The following ST3GAL1 variants were observed in gnomAD, a reference collection of about 807,000 sequenced individuals.
The protein encoded by ST3GAL1 is ST3 beta-galactoside alpha-2,3-sialyltransferase 1.
ST3GAL1 carries 16 observed loss-of-function variants against 34.1 expected under a neutral mutation model. The ratio of observed to expected loss-of-function variants is 0.47; its 90% CI spans 0.32 to 0.71. ST3GAL1 has a LOEUF of 0.71. Among genes scored for constraint, ST3GAL1 ranks in the 30% least tolerant of loss-of-function variants. The probability of loss-of-function intolerance (pLI) is 0.04; values close to 1 mark genes in which losing one functional copy is unlikely to be tolerated. For synonymous variants in ST3GAL1, 191 were observed against 184.7 expected (o/e 1.03, Z -0.28); for missense variants, 353 against 447.4 (o/e 0.79, Z 1.90).
At chr8:133,495,216 C>A (rs922407671) in intron 3 of ST3GAL1, among the ~76,000 whole-genome samples, 8 of 152,018 alleles carry the variant, frequency 5.3e-5, no homozygotes, top group Non-Finnish European at 8.8e-5. Context: ...CCGTGCCCAG[C>A]CTCCTCTATT....
intron 1 of ST3GAL1, among the ~76,000 whole-genome samples, chr8:133,563,984 G>A (rs1217968203): frequency 2.0e-5 from 3 of 152,196 alleles, no homozygotes; most frequent in African/African-American, 4.8e-5. Context: ...AGAGTGTACT[G>A]TCTATTCTGC....
Position 133,540,934 on chromosome 8 carries a change from C to CATAT in ST3GAL1, c.-429+4836_-429+4839dup, listed in dbSNP as rs751280527. On this transcript the variant is annotated intron_variant, in intron 2 of 9. Coordinates refer to ENST00000522652, the MANE Select transcript of ST3GAL1 (RefSeq NM_173344.3). The stretch of plus-strand genomic sequence containing the variant: ...ATATATATAGACATATATATATAGA[C>CATAT]ATATATAGACATATATATAGACATA... Among the ~76,000 whole-genome samples, 52 of 51,312 alleles carry CATAT rather than the reference C, an allele frequency of 1.0e-3. 3 individuals carry two copies. Among genetic ancestry groups the CATAT allele is most frequent in the African/African-American group, 4.7e-3 (41 of 8,670 alleles). 33.7% of individuals were successfully genotyped at this position (51,312 alleles called of 152,430 possible).
intron 2 of ST3GAL1, chr8:133,516,413 C>T (rs1482229166): frequency 6.6e-6 from 1 of 152,188 alleles, no homozygotes; most frequent in East Asian, 1.9e-4. Context: ...TTATAAATTA[C>T]TCACCCTCAT....
At position 133,530,265 on chromosome 8, in the gene ST3GAL1, C is replaced by CT. The variant is rs370726563; in HGVS notation, c.-429+15508dup. Among the ~76,000 whole-genome samples, 667 of 140,808 alleles carry CT rather than the reference C, an allele frequency of 4.7e-3. 11 individuals carry two copies. The highest frequency in any genetic ancestry group is 0.017 in the African/African-American group (616 of 37,130). The allele number at this position is 140,808 out of a possible 152,430, so 92.4% of individuals were successfully genotyped here. A position where few individuals can be genotyped will look rare whatever the true frequency, so the allele number is the denominator to read the frequency against. On this transcript the variant is annotated intron_variant, in intron 2 of 9. Coordinates refer to ENST00000522652, the MANE Select transcript of ST3GAL1 (RefSeq NM_173344.3). ...CAAGGAGCCAGTGTCCTGAGGCCTT[C>CT]TTTTTTTTTTCTTTATTTTTATTTT...
At position 133,483,341 on chromosome 8, in the gene ST3GAL1, T is replaced by TAAAC. The variant is rs558985443; in HGVS notation, c.-373-6745_-373-6742dup. On this transcript the variant is annotated intron_variant, in intron 3 of 9. Coordinates refer to ENST00000522652, the MANE Select transcript of ST3GAL1 (RefSeq NM_173344.3). ...TGGCCGACAAAGTAAGACTCCATCT[T>TAAAC]AAACAAACAAACAAACAAAAATGCT... 9.9e-5 allele frequency among the ~76,000 whole-genome samples: 15 copies of TAAAC among 152,102 alleles called. No individual in the cohort carries two copies. In the East Asian group the frequency reaches 2.9e-3, roughly 29 times the overall value.
rs530805061 is a variant in ST3GAL1 at position 133,559,146 on chromosome 8, T to C, written c.-582+12547A>G. 3.8e-4 allele frequency among the ~76,000 whole-genome samples: 58 copies of C among 152,266 alleles called. 1 individual carries two copies. In the South Asian group the frequency reaches 0.012, roughly 30 times the overall value. ...GCCTTCATTTAGAAGTTTGGTGATATTTTTATGAACAGAAATACATCAGAG... is the reference window on the plus strand; with the variant it reads ...GCCTTCATTTAGAAGTTTGGTGATACTTTTATGAACAGAAATACATCAGAG... On this transcript the variant is annotated intron_variant, in intron 1 of 9. Transcript: ENST00000522652.
intron 1 of ST3GAL1, among the ~76,000 whole-genome samples, chr8:133,569,801 T>C (rs1316687679): frequency 6.6e-6 from 1 of 152,172 alleles, no homozygotes; most frequent in Non-Finnish European, 1.5e-5. Flanking sequence ...CAGTGCACCT[T>C]GCCTTTTCGA....
At chr8:133,468,273 T>C (rs1815821162) in intron 5 of ST3GAL1, among the ~76,000 whole-genome samples, 1 of 152,220 alleles carries the variant, frequency 6.6e-6, no homozygotes. Context: ...TGATGGGATA[T>C]TATTTAGCTA....
In ST3GAL1 at chr8:133,459,938, C is replaced by T; in HGVS notation, c.850-1G>A. 6.2e-7 allele frequency: 1 copy of T among 1,608,648 alleles called. No individual in the cohort carries two copies. The highest frequency in any genetic ancestry group is 8.5e-7 in the Non-Finnish European group (1 of 1,176,428). On this transcript the variant is annotated splice_acceptor_variant, in intron 9 of 9. Coordinates refer to ENST00000522652, the MANE Select transcript of ST3GAL1 (RefSeq NM_173344.3). LOFTEE classifies it high-confidence loss of function. This position sits in a 1 kb window ranked among gnomAD's most constrained non-coding sequence, Gnocchi z 4.7. Reference sequence around the variant, plus strand: ...CTGCCCCGAAGCCGTACAAGTCCACCTGTGGGAGCAAAGCAAAGATGAGAA... The same window carrying T: ...CTGCCCCGAAGCCGTACAAGTCCACTTGTGGGAGCAAAGCAAAGATGAGAA...
chr8:133,479,703 G>A (rs1307555462), intron 3 of ST3GAL1, among the ~76,000 whole-genome samples: 1 of 152,124 alleles, frequency 6.6e-6, no homozygotes, highest in Non-Finnish European at 1.5e-5. Flanking sequence ...CAGGGCAGAG[G>A]GCAAGGTTGT....
chr8:133,493,848 GAAA>G (rs57843566), intron 3 of ST3GAL1, among the ~76,000 whole-genome samples: 7 of 132,290 alleles, frequency 5.3e-5, no homozygotes. Flanking sequence ...TCTGTATCAG[GAAA>G]AAAAAAAAAA....
In ST3GAL1 at chr8:133,556,069, G is replaced by A. The variant is rs1374470278; in HGVS notation, c.-581-10143C>T. On this transcript the variant is annotated intron_variant, in intron 1 of 9. Coordinates refer to ENST00000522652, the MANE Select transcript of ST3GAL1 (RefSeq NM_173344.3). The surrounding 1 kb of genome is among the most constrained non-coding windows in gnomAD (Gnocchi z 8.9). Reference sequence around the variant, plus strand: ...CCACCACGCCTGGCTGATTTTTTTTGTATTTTAGTAGAGACGGGGTTTCAT... The same window carrying A: ...CCACCACGCCTGGCTGATTTTTTTTATATTTTAGTAGAGACGGGGTTTCAT... 1.3e-5 allele frequency among the ~76,000 whole-genome samples: 2 copies of A among 150,958 alleles called. No individual in the cohort carries two copies. The highest frequency in any genetic ancestry group is 6.6e-5 in the Admixed American group (1 of 15,164).
At chr8:133,568,434 C>T (rs1057137237) in intron 1 of ST3GAL1, among the ~76,000 whole-genome samples, 2 of 152,206 alleles carry the variant, frequency 1.3e-5, no homozygotes, top group African/African-American at 4.8e-5. Context: ...GTCTACACAA[C>T]GGAACGAAGC....
chr8:133,487,295 A>G (rs900409716), intron 3 of ST3GAL1, among the ~76,000 whole-genome samples: 4 of 44,580 alleles, frequency 9.0e-5, no homozygotes, highest in South Asian at 7.4e-4. Context: ...TACTATTGGT[A>G]TATATATATA....
Position 133,464,972 on chromosome 8 carries a change from G to A in ST3GAL1, c.504-15C>T, listed in dbSNP as rs757465879. 6.2e-7 allele frequency: 1 copy of A among 1,608,218 alleles called. No individual in the cohort carries two copies. Among genetic ancestry groups the A allele is most frequent in the Non-Finnish European group, 8.5e-7 (1 of 1,176,216 alleles). On this transcript the variant is annotated splice_polypyrimidine_tract_variant and intron_variant, in intron 6 of 9. Transcript: ENST00000522652. ...CCTTGTTCATCCTGGGAGAGAAGGG[G>A]AGAAAGCTGAGTCTTGTAGCACGGG...
chr8:133,548,636 A>G (rs1056309226), intron 1 of ST3GAL1, among the ~76,000 whole-genome samples: 3 of 152,166 alleles, frequency 2.0e-5, no homozygotes, highest in Non-Finnish European at 4.4e-5. Context: ...TGGACACACC[A>G]CCTTCCAAAC....
intron 3 of ST3GAL1, among the ~76,000 whole-genome samples, chr8:133,498,111 C>T (rs1232160087): frequency 6.6e-6 from 1 of 152,238 alleles, no homozygotes; most frequent in African/African-American, 2.4e-5. Flanking sequence ...TGTTCTGTGG[C>T]ATTCCCCTTC....
intron 1 of ST3GAL1, among the ~76,000 whole-genome samples, chr8:133,554,611 T>A (rs969581290): frequency 3.3e-5 from 5 of 152,184 alleles, no homozygotes; most frequent in Non-Finnish European, 7.4e-5. Context: ...CCTCCTCCTC[T>A]TCACATCTGC....
intron 1 of ST3GAL1, among the ~76,000 whole-genome samples, chr8:133,562,209 C>CTT (rs35234056): frequency 8.8e-5 from 10 of 113,268 alleles, no homozygotes; most frequent in African/African-American, 1.9e-4. Context: ...GAATCCACAT[C>CTT]TTTTTTTTTT....
Sources: gnomAD v4.1 joint callset for allele counts (sites outside exome capture counted in the v4.1 genomes callset) on GRCh38, gnomAD v4.1.1 for gene constraint, Gnocchi (gnomAD v3.1) non-coding constraint, MANE v1.5 for transcripts, NCBI Gene and HGNC (gene_info 2026-07-23, HGNC 2026-07-21) for gene names.